The following INPP5K variants were observed in gnomAD, a reference collection of about 807,000 sequenced individuals.
INPP5K encodes inositol polyphosphate 5-phosphatase K.
Under a neutral mutation model 53.5 loss-of-function variants are expected in INPP5K, and 35 were observed. That is an observed-to-expected ratio of 0.65 (90% confidence interval 0.50 to 0.87). The LOEUF (loss-of-function observed/expected upper bound fraction) is 0.87, where lower values mean the gene tolerates loss of function less well. INPP5K is among the 40% of genes least tolerant of loss of function. The pLI, the probability that INPP5K is intolerant of heterozygous loss-of-function variation, is 0.00. For missense variants in INPP5K, 550 were observed against 586.2 expected (o/e 0.94, Z 0.64); for synonymous variants, 253 against 232.8 (o/e 1.09, Z -0.79).
chr17:1,508,021 C>A, intron 6 of INPP5K, 94 bp downstream of exon 6: 1 of 926,266 alleles, frequency 1.1e-6, no homozygotes, highest in Non-Finnish European at 1.7e-6. Flanking sequence ...CAAAAGAAAA[C>A]AGCAGCGAGG....
chr17:1,505,423 C>T (rs1371778711), intron 7 of INPP5K, among the ~76,000 whole-genome samples: 2 of 152,106 alleles, frequency 1.3e-5, no homozygotes, highest in Non-Finnish European at 2.9e-5. Context: ...ACTCTTGTTT[C>T]CAATGGATGG....
rs770644628 is a variant in INPP5K, at chr17:1,509,735, T to C, written c.326A>G (p.Tyr109Cys). The change falls in exon 4 of 12, where the codon TAT (tyrosine) becomes TGT (cysteine). Residue 109 changes from tyrosine (Y) to cysteine (C), a missense_variant. Physicochemically the swap from Tyr to Cys is radical, Grantham distance 194 (BLOSUM62 -2). Coordinates refer to ENST00000421807, the MANE Select transcript of INPP5K (RefSeq NM_016532.4). Reference sequence around the variant, plus strand: ...GGATTTAGTAGACAGAATCTGGATATAGGGCAAATGCTGATACTTGGCAAA... The same window carrying C: ...GGATTTAGTAGACAGAATCTGGATACAGGGCAAATGCTGATACTTGGCAAA... The part of the protein sequence containing the change: ...LVFAKYQHLP[Y>C]IQILSTKSTP... 1.6e-5 allele frequency: 26 copies of C among 1,613,658 alleles called. 1 individual carries two copies. The Admixed American group carries it at 2.5e-4, about 16-fold the overall frequency.
intron 7 of INPP5K, among the ~76,000 whole-genome samples, chr17:1,505,253 AGT>A (rs1273023879): frequency 1.3e-5 from 2 of 152,096 alleles, no homozygotes; most frequent in African/African-American, 4.8e-5. Context: ...AGCTTTCCTG[AGT>A]AGCTGGGACT....
intron 7 of INPP5K, among the ~76,000 whole-genome samples, chr17:1,504,139 G>A (rs1180131533): frequency 6.6e-6 from 1 of 152,164 alleles, no homozygotes; most frequent in Non-Finnish European, 1.5e-5. Context: ...CCCAGGCTTG[G>A]TAACATATGC....
At position 1,507,041 on chromosome 17, in the gene INPP5K, C is replaced by T. The variant is rs1567557869; in HGVS notation, c.715G>A (p.Gly239Ser). 4 of 1,613,992 alleles carry T rather than the reference C, an allele frequency of 2.5e-6. No homozygotes were observed. The highest frequency in any genetic ancestry group is 1.7e-6 in the Non-Finnish European group (2 of 1,180,000). ...TAGGTGGGCGGGAAGAGTAGGCGGC[C>T]CTCCTGGAACTCCCGGAGCAGCGGG... is the stretch of plus-strand genomic sequence containing the variant. ...HDPLLREFQE[G>S]RLLFPPTYKF... The change falls in exon 7 of 12, where the codon GGC becomes AGC. Residue 239 changes from glycine to serine, a missense_variant. Coordinates refer to ENST00000421807, the MANE Select transcript of INPP5K (RefSeq NM_016532.4).
chr17:1,498,979 G>A (rs1158069735), intron 7 of INPP5K, among the ~76,000 whole-genome samples: 1 of 152,166 alleles, frequency 6.6e-6, no homozygotes, highest in African/African-American at 2.4e-5. Flanking sequence ...AAGGTACTAA[G>A]TGGTGGAGCC....
intron 7 of INPP5K, among the ~76,000 whole-genome samples, chr17:1,499,269 T>C (rs2074943243): frequency 6.6e-6 from 1 of 152,004 alleles, no homozygotes; most frequent in African/African-American, 2.4e-5. Flanking sequence ...TCCAAGCACT[T>C]TGGGAGGCCA....
intron 1 of INPP5K, chr17:1,515,446 G>A (rs538979776): frequency 2.0e-6 from 2 of 985,430 alleles, no homozygotes; most frequent in East Asian, 2.3e-4. Flanking sequence ...TAGTGGAACA[G>A]TCAGTCACAG....
chr17:1,502,151 C>T (rs201742927), intron 7 of INPP5K, among the ~76,000 whole-genome samples: 3,101 of 151,954 alleles, frequency 0.02, 50 homozygotes, highest in Non-Finnish European at 0.034. Flanking sequence ...ACATGGAGAC[C>T]ATCCTGGCTA....
At chr17:1,509,402 C>T (rs1423397560) in intron 4 of INPP5K, 49 bp from the exon 5 acceptor site, 3 of 1,554,876 alleles carry the variant, frequency 1.9e-6, no homozygotes, top group Admixed American at 3.4e-5. Context: ...GGGTTGGACA[C>T]ACCCCTCTTT....
intron 3 of INPP5K, 64 bp from the exon 4 acceptor site, chr17:1,509,863 G>T: frequency 1.0e-6 from 1 of 977,750 alleles, no homozygotes; most frequent in Non-Finnish European, 1.6e-6. Flanking sequence ...TCCCTTCCAA[G>T]CTCCGTGCTA....
chr17:1,514,580 C>CA, intron 1 of INPP5K, among the ~76,000 whole-genome samples: 1 of 152,112 alleles, frequency 6.6e-6, no homozygotes, highest in African/African-American at 2.4e-5. Context: ...AAAGGGAGCC[C>CA]AAGAATTTCA....
chr17:1,505,576 C>A (rs1033762824), intron 7 of INPP5K, among the ~76,000 whole-genome samples: 2 of 152,136 alleles, frequency 1.3e-5, no homozygotes, highest in Non-Finnish European at 2.9e-5. Flanking sequence ...CTTCTGTGGA[C>A]GGCCCTGCTC....
intron 8 of INPP5K, 96 bp from the exon 9 acceptor site, chr17:1,496,899 A>G: frequency 7.6e-7 from 1 of 1,319,486 alleles, no homozygotes; most frequent in Non-Finnish European, 1.0e-6. Context: ...CATAGTGGGG[A>G]AGGTGGGGCA....
intron 7 of INPP5K, among the ~76,000 whole-genome samples, chr17:1,502,174 C>T (rs578173399): frequency 4.6e-5 from 7 of 152,108 alleles, no homozygotes; most frequent in Admixed American, 4.6e-4. Flanking sequence ...ATGGTGAAAC[C>T]CCGTCTCTAC....
At chr17:1,499,932 A>T (rs17833825) in intron 7 of INPP5K, among the ~76,000 whole-genome samples, 24,726 of 152,238 alleles carry the variant, frequency 0.16, 2,595 homozygotes, top group Non-Finnish European at 0.23. Context: ...CACTGTGTTG[A>T]ATCCTATCTA....
intron 7 of INPP5K, among the ~76,000 whole-genome samples, chr17:1,502,952 T>G (rs961247983): frequency 6.6e-6 from 1 of 151,918 alleles, no homozygotes; most frequent in African/African-American, 2.4e-5. Context: ...TGCAGTGGTG[T>G]GATCACAGCC....
intron 7 of INPP5K, chr17:1,498,323 G>A: frequency 4.4e-6 from 2 of 458,124 alleles, no homozygotes; most frequent in Non-Finnish European, 7.8e-6. Context: ...GCCAGCACTT[G>A]TCAGACTTAG....
In INPP5K at chr17:1,495,775, GCTGGCTGCCAGCT is replaced by G; in HGVS notation, c.*35_*47del. On this transcript the variant is annotated 3_prime_UTR_variant, in exon 12 of 12. Transcript: ENST00000421807. ...GCACTCCCGGCAGTGGAAAGGCAGA[GCTGGCTGCCAGCT>G]CTGGCCTCCGCCTGGGATTCACTCC... is the stretch of plus-strand genomic sequence containing the variant. 6.9e-7 allele frequency: 1 copy of G among 1,459,592 alleles called. No homozygotes were observed. The highest frequency in any genetic ancestry group is 9.6e-7 in the Non-Finnish European group (1 of 1,045,242). The allele number at this position is 1,459,592 out of a possible 1,614,324, so 90.4% of individuals were successfully genotyped here.
Sources: allele counts gnomAD v4.1 joint callset (sites outside exome capture counted in the v4.1 genomes callset), GRCh38; gene constraint gnomAD v4.1.1; transcripts MANE v1.5; gene names NCBI Gene and HGNC (gene_info 2026-07-23, HGNC 2026-07-21).